Variants in VPS54 observed in about 807,000 individuals in gnomAD.
The protein encoded by VPS54 is vacuolar protein sorting-associated protein 54.
Under a neutral mutation model 121.5 loss-of-function variants are expected in VPS54, and 45 were observed. That is an observed-to-expected ratio of 0.37 (90% CI 0.29 to 0.47). The LOEUF is 0.47. VPS54 is among the 20% of genes least tolerant of loss of function. The pLI, the probability that VPS54 is intolerant of heterozygous loss-of-function variation, is 0.99. For synonymous variants in VPS54, 371 were observed against 385.8 expected, an observed-to-expected ratio of 0.96 and a Z score of 0.45; for missense variants, 1,090 against 1,131.4, an observed-to-expected ratio of 0.96 and a Z score of 0.52.
chr2:63,929,609 G>C (rs1359732437), intron 12 of VPS54, among the ~76,000 whole-genome samples: 1 of 151,526 alleles, frequency 6.6e-6, no homozygotes, highest in Non-Finnish European at 1.5e-5. Flanking sequence ...AAAAGAACTA[G>C]AGAAGCAAGA....
At chr2:63,990,273 C>G (rs969380096) in intron 1 of VPS54, among the ~76,000 whole-genome samples, 7 of 151,828 alleles carry the variant, frequency 4.6e-5, no homozygotes, top group Non-Finnish European at 7.4e-5. Flanking sequence ...AACGTTACCC[C>G]CTGCTGACCT....
intron 4 of VPS54, among the ~76,000 whole-genome samples, chr2:63,970,059 T>G (rs917422240): frequency 2.6e-5 from 4 of 151,930 alleles, no homozygotes; most frequent in Admixed American, 6.6e-5. Flanking sequence ...CCAATCTTTC[T>G]GCACTTAGAC....
At chr2:63,998,057 T>C (rs1179307249) in intron 1 of VPS54, among the ~76,000 whole-genome samples, 2 of 152,216 alleles carry the variant, frequency 1.3e-5, no homozygotes, top group Non-Finnish European at 2.9e-5. Context: ...TTGATATTAT[T>C]TGAATTGTCT....
intron 22 of VPS54, among the ~76,000 whole-genome samples, chr2:63,894,278 T>A (rs1260777046): frequency 1.3e-5 from 2 of 152,196 alleles, no homozygotes; most frequent in South Asian, 2.1e-4. Flanking sequence ...CCAATTCACT[T>A]ATAGGTATAT....
At chr2:63,965,647 A>G (rs1675958656) in intron 6 of VPS54, among the ~76,000 whole-genome samples, 188 bp downstream of exon 6, 1 of 152,208 alleles carries the variant, frequency 6.6e-6, no homozygotes, top group Admixed American at 6.5e-5. Context: ...GTTCATCTGC[A>G]CAACTTGTGT....
chr2:63,983,848 A>T lies in VPS54; in HGVS notation c.136+16T>A. On this transcript the variant is annotated intron_variant, in intron 2 of 22. Transcript: ENST00000272322. ...GAAATCATCAGTAAAAATCCTACAA[A>T]AAAAAAAAGCATTACCTGTGGGTTC... is the stretch of plus-strand genomic sequence containing the variant. 1 of 1,577,128 alleles carries T rather than the reference A, an allele frequency of 6.3e-7. No homozygotes were observed.
At position 63,938,783 on chromosome 2, in the gene VPS54, G is replaced by A. The variant is rs193199252; in HGVS notation, c.1398+3682C>T. Among the ~76,000 whole-genome samples the A allele has an allele frequency of 2.0e-3, 304 of 152,272 alleles. 4 individuals carry two copies. Among genetic ancestry groups the A allele is most frequent in the Admixed American group, 0.018 (276 of 15,286 alleles). ...CCAGGCCCAGAGTTATTATGTAATA[G>A]GTACAGAGTTTCAGCTTTGCAAGAT... On this transcript the variant is annotated intron_variant, in intron 11 of 22. Transcript: ENST00000272322.
chr2:63,914,362 A>T (rs1359609801), intron 16 of VPS54, 75 bp from the exon 17 acceptor site: 1 of 959,784 alleles, frequency 1.0e-6, no homozygotes, highest in African/African-American at 1.6e-5. Flanking sequence ...ATAAAAATCA[A>T]ATTACTTAAT....
At chr2:63,997,728 T>C (rs1327052706) in intron 1 of VPS54, among the ~76,000 whole-genome samples, 1 of 152,050 alleles carries the variant, frequency 6.6e-6, no homozygotes, top group Non-Finnish European at 1.5e-5. Context: ...TTATTTCTTT[T>C]TTTCCACTAA....
chr2:64,017,867 G>A (rs1678782551), intron 1 of VPS54, among the ~76,000 whole-genome samples: 1 of 152,106 alleles, frequency 6.6e-6, no homozygotes, highest in Non-Finnish European at 1.5e-5. Flanking sequence ...TGAGCACTAC[G>A]AACCATCAAC....
At chr2:63,988,096 CAG>C (rs1677139922) in intron 1 of VPS54, among the ~76,000 whole-genome samples, 1 of 152,160 alleles carries the variant, frequency 6.6e-6, no homozygotes, top group Admixed American at 6.5e-5. Flanking sequence ...TGCTGTGTTT[CAG>C]ATCTTAGAAG....
At chr2:63,958,558 T>C (rs950569473) in intron 7 of VPS54, among the ~76,000 whole-genome samples, 9 of 152,010 alleles carry the variant, frequency 5.9e-5, no homozygotes, top group Admixed American at 5.9e-4. Context: ...TACAAAAAAA[T>C]TTAAAAATTA....
chr2:64,015,775 C>T (rs1678657590), intron 1 of VPS54, among the ~76,000 whole-genome samples: 2 of 152,112 alleles, frequency 1.3e-5, no homozygotes, highest in Non-Finnish European at 2.9e-5. Flanking sequence ...AAAAATAAGA[C>T]ATTAATAGTA....
intron 20 of VPS54, among the ~76,000 whole-genome samples, chr2:63,902,999 A>ATAACATAACG (rs1553469992): frequency 6.6e-6 from 1 of 152,092 alleles, no homozygotes; most frequent in Non-Finnish European, 1.5e-5. Context: ...ATAACATAAC[A>ATAACATAACG]TAACACAACA....
At chr2:63,978,381 C>A (rs775863332) in intron 3 of VPS54, among the ~76,000 whole-genome samples, 2 of 152,198 alleles carry the variant, frequency 1.3e-5, no homozygotes, top group African/African-American at 4.8e-5. Context: ...GAGGTACCCA[C>A]TCTCAGATTT....
chr2:63,947,423 C>T lies in VPS54; in HGVS notation c.1205G>A (p.Gly402Asp), dbSNP rs778503544. The change falls in exon 9 of 23, where the codon GGT becomes GAT. Residue 402 changes from glycine to aspartate, a missense_variant. Gly to Asp is a moderately conservative substitution (Grantham distance 94). Around this residue, in one of 2 missense-constraint regions of VPS54, gnomAD observed 801 missense variants for 757.0 expected, o/e 1.06. Transcript: ENST00000272322. Reference sequence around the variant, plus strand: ...CTTTGCTGTAATAACCATTTTTTCACCATAGATTTCTAAAAAATTAAGCTT... The same window carrying T: ...CTTTGCTGTAATAACCATTTTTTCATCATAGATTTCTAAAAAATTAAGCTT... ...QRKLNFLEIYGEKMVITAKNI... is the reference protein window; with the variant it reads ...QRKLNFLEIYDEKMVITAKNI... 25 of 1,554,198 alleles carry T rather than the reference C, an allele frequency of 1.6e-5. No homozygotes were observed. The highest frequency in any genetic ancestry group is 2.1e-5 in the Non-Finnish European group (24 of 1,137,522).
intron 20 of VPS54, among the ~76,000 whole-genome samples, chr2:63,909,347 A>G (rs558064665): frequency 1.5e-3 from 233 of 150,998 alleles, no homozygotes; most frequent in Non-Finnish European, 1.7e-3. Context: ...ACATTAGTCT[A>G]GCTGTTAGTA....
intron 7 of VPS54, among the ~76,000 whole-genome samples, chr2:63,961,748 C>T (rs1050555460): frequency 6.6e-6 from 1 of 152,120 alleles, no homozygotes; most frequent in African/African-American, 2.4e-5. Flanking sequence ...CCACCTTGAC[C>T]TACCATTGTG....
At chr2:63,938,267 A>G (rs908885468) in intron 11 of VPS54, among the ~76,000 whole-genome samples, 2 of 151,590 alleles carry the variant, frequency 1.3e-5, no homozygotes, top group South Asian at 2.1e-4. Context: ...TGTCAGGCCT[A>G]TATTTGGTCT....
Sources: gnomAD v4.1 joint callset for allele counts (sites outside exome capture counted in the v4.1 genomes callset) on GRCh38, gnomAD v4.1.1 for gene constraint, gnomAD v4.1.1 regional missense constraint, MANE v1.5 for transcripts, NCBI Gene and HGNC (gene_info 2026-07-23, HGNC 2026-07-21) for gene names.